CDH18: variants seen among roughly 807,000 people sequenced by gnomAD.
CDH18 encodes cadherin-18.
Under a neutral mutation model 67.9 loss-of-function variants are expected in CDH18, and 31 were observed. That is an observed-to-expected ratio of 0.46 (90% CI 0.34 to 0.62). The LOEUF (loss-of-function observed/expected upper bound fraction) is 0.62. CDH18 is among the 20% of genes least tolerant of loss of function. The pLI, the probability that CDH18 is intolerant of heterozygous loss-of-function variation, is 0.01. For missense variants in CDH18, 890 were observed against 975.5 expected, an observed-to-expected ratio of 0.91 and a Z score of 1.17; for synonymous variants, 362 against 347.2, an observed-to-expected ratio of 1.04 and a Z score of -0.48.
chr5:20,504,016 C>A (rs193001104), intron 1 of CDH18, among the ~76,000 whole-genome samples: 1 of 146,696 alleles, frequency 6.8e-6, no homozygotes, highest in Non-Finnish European at 1.5e-5. Flanking sequence ...CCAGCCTGGG[C>A]AACAGAGCAA....
intron 1 of CDH18, among the ~76,000 whole-genome samples, chr5:20,341,450 C>T (rs1256554482): frequency 6.6e-6 from 1 of 151,784 alleles, no homozygotes; most frequent in Non-Finnish European, 1.5e-5. Flanking sequence ...TGCAGACAGC[C>T]TATTTTGGGA....
chr5:20,526,930 A>G (rs1227552983), intron 1 of CDH18, among the ~76,000 whole-genome samples: 1 of 152,090 alleles, frequency 6.6e-6, no homozygotes, highest in Non-Finnish European at 1.5e-5. Flanking sequence ...CTGAGAATGG[A>G]CAAACCGACA....
intron 3 of CDH18, among the ~76,000 whole-genome samples, chr5:19,778,494 G>A (rs1774669562): frequency 6.6e-6 from 1 of 152,116 alleles, no homozygotes; most frequent in South Asian, 2.1e-4. Flanking sequence ...ACCTTAGCCA[G>A]ATGATGGAAT....
At chr5:20,135,707 C>T (rs1386780686) in intron 2 of CDH18, among the ~76,000 whole-genome samples, 1 of 152,032 alleles carries the variant, frequency 6.6e-6, no homozygotes, top group Non-Finnish European at 1.5e-5. Context: ...TAGATCTTTC[C>T]TGCTTTCTCT....
chr5:20,314,643 C>T (rs1206393045), intron 1 of CDH18, among the ~76,000 whole-genome samples: 4 of 152,048 alleles, frequency 2.6e-5, no homozygotes, highest in Admixed American at 6.6e-5. Flanking sequence ...CTCATTTGCT[C>T]AGAGCTTAAG....
At chr5:19,626,339 T>C (rs1751541685) in intron 5 of CDH18, among the ~76,000 whole-genome samples, 1 of 152,162 alleles carries the variant, frequency 6.6e-6, no homozygotes, top group East Asian at 1.9e-4. Flanking sequence ...GCACACAAGA[T>C]GTGAAAAACA....
intron 6 of CDH18, 95 bp from the exon 7 acceptor site, chr5:19,591,339 A>G (rs1364653758): frequency 2.4e-6 from 2 of 817,686 alleles, no homozygotes; most frequent in Non-Finnish European, 3.6e-6. Flanking sequence ...ATTCAAATGA[A>G]GACTATATTA....
chr5:20,552,677 T>C (rs999140315), intron 1 of CDH18, among the ~76,000 whole-genome samples: 7 of 152,108 alleles, frequency 4.6e-5, no homozygotes, highest in Admixed American at 4.6e-4. Context: ...AAGATAACTA[T>C]CTTATATTTT....
chr5:20,027,383 G>A (rs1205145607), intron 2 of CDH18, among the ~76,000 whole-genome samples: 2 of 151,982 alleles, frequency 1.3e-5, no homozygotes, highest in Non-Finnish European at 2.9e-5. Flanking sequence ...TTTGATAAAC[G>A]GCTATGTTTA....
chr5:19,811,090 G>A (rs867494189), intron 3 of CDH18, among the ~76,000 whole-genome samples: 1 of 20,956 alleles, frequency 4.8e-5, no homozygotes, highest in Non-Finnish European at 8.6e-5. Flanking sequence ...AAGAAAGAAA[G>A]AAAGAAAGAA....
chr5:20,124,922 T>C (rs1012035352), intron 2 of CDH18, among the ~76,000 whole-genome samples: 47 of 152,308 alleles, frequency 3.1e-4, no homozygotes, highest in African/African-American at 1.1e-3. Flanking sequence ...TAAGGAATTA[T>C]ATTTGTAATG....
intron 5 of CDH18, among the ~76,000 whole-genome samples, chr5:19,717,813 C>T (rs2150561734): frequency 6.6e-6 from 1 of 152,000 alleles, no homozygotes; most frequent in East Asian, 1.9e-4. Context: ...ATGTTTTCTT[C>T]CTATGAATCT....
At chr5:20,320,720 G>A (rs1737934708) in intron 1 of CDH18, among the ~76,000 whole-genome samples, 4 of 152,096 alleles carry the variant, frequency 2.6e-5, no homozygotes, top group East Asian at 1.9e-4. Context: ...TGTCTCCAAG[G>A]TGAGACACAG....
intron 2 of CDH18, among the ~76,000 whole-genome samples, chr5:19,840,030 G>A (rs111665400): frequency 0.027 from 4,164 of 151,560 alleles, 194 homozygotes; most frequent in African/African-American, 0.096. Flanking sequence ...AGGTCGAGGT[G>A]GGCAGATCAC....
chr5:20,225,609 G>C (rs973848392), intron 2 of CDH18, among the ~76,000 whole-genome samples: 1 of 152,016 alleles, frequency 6.6e-6, no homozygotes, highest in East Asian at 1.9e-4. Flanking sequence ...TATAAAGAGT[G>C]GTGAGCATGA....
intron 1 of CDH18, among the ~76,000 whole-genome samples, chr5:20,521,765 G>T (rs1755755907): frequency 1.3e-5 from 2 of 151,656 alleles, no homozygotes; most frequent in African/African-American, 4.8e-5. Context: ...TTCTTGTAGG[G>T]GTAACTGGGA....
chr5:20,533,739 T>C (rs542486464), intron 1 of CDH18, among the ~76,000 whole-genome samples: 1 of 152,234 alleles, frequency 6.6e-6, no homozygotes, highest in African/African-American at 2.4e-5. Context: ...TAAATATTGA[T>C]ATAAACATCT....
intron 1 of CDH18, among the ~76,000 whole-genome samples, chr5:20,276,148 G>T (rs1184774899): frequency 6.6e-6 from 1 of 152,200 alleles, no homozygotes; most frequent in Admixed American, 6.5e-5. Flanking sequence ...CTGCTGCTTT[G>T]CTGGGCTTGG....
At chr5:20,049,330 T>A (rs1741202338) in intron 2 of CDH18, among the ~76,000 whole-genome samples, 1 of 150,738 alleles carries the variant, frequency 6.6e-6, no homozygotes, top group Admixed American at 6.6e-5. Context: ...CAAAAAAAAA[T>A]ACATGACACT....
Sources: gnomAD v4.1 joint callset for allele counts (sites outside exome capture counted in the v4.1 genomes callset) on GRCh38, gnomAD v4.1.1 for gene constraint, MANE v1.5 for transcripts, NCBI Gene and HGNC (gene_info 2026-07-23, HGNC 2026-07-21) for gene names.